Variants in NPAS3 observed in about 807,000 individuals in gnomAD.
NPAS3 encodes neuronal PAS domain protein 3, also known as neuronal PAS domain-containing protein 3.
Under a neutral mutation model 73.1 loss-of-function variants are expected in NPAS3, and 14 were observed. That is an observed-to-expected ratio of 0.19 (90% CI 0.13 to 0.30). NPAS3 has a LOEUF of 0.30. Among genes scored for constraint, NPAS3 ranks in the 10% least tolerant of loss-of-function variants. The pLI is 1.00. For synonymous variants in NPAS3, 620 were observed against 541.5 expected, an observed-to-expected ratio of 1.14 and a Z score of -2.01; for missense variants, 1,096 against 1,250.0, an observed-to-expected ratio of 0.88 and a Z score of 1.86.
rs183215836 is a variant in NPAS3 at position 33,363,583 on chromosome 14, A to T, written c.386-3603A>T. ...TTAAAACTCTAGGTGTTTTATTTTT[A>T]ACCCTTGTAAAACATGAAATAGTAG... On this transcript the variant is annotated intron_variant, in intron 3 of 11. Coordinates refer to ENST00000356141, the Ensembl canonical transcript of NPAS3. 8.5e-5 allele frequency among the ~76,000 whole-genome samples: 13 copies of T among 152,310 alleles called. No homozygotes were observed. In the East Asian group the frequency reaches 2.3e-3, roughly 27 times the overall value.
intron 3 of NPAS3, among the ~76,000 whole-genome samples, chr14:33,358,410 G>A (rs17100797): frequency 0.043 from 6,545 of 152,118 alleles, 357 homozygotes; most frequent in East Asian, 0.22. Flanking sequence ...CATCGTTGTC[G>A]CGGGCAGGAT....
chr14:33,229,131 G>A (rs148362119), intron 3 of NPAS3, among the ~76,000 whole-genome samples: 2 of 152,222 alleles, frequency 1.3e-5, no homozygotes, highest in East Asian at 3.9e-4. Flanking sequence ...GATACCCAAT[G>A]CCATGTAGAA....
intron 5 of NPAS3, among the ~76,000 whole-genome samples, chr14:33,670,810 A>T (rs1417080801): frequency 6.6e-6 from 1 of 151,914 alleles, no homozygotes; most frequent in Admixed American, 6.6e-5. Context: ...CCTTTGAATG[A>T]CCTTTTATTC....
intron 7 of NPAS3, among the ~76,000 whole-genome samples, chr14:33,749,352 T>C (rs1388506092): frequency 6.6e-6 from 1 of 152,176 alleles, no homozygotes; most frequent in Non-Finnish European, 1.5e-5. Flanking sequence ...TAGGCCAGTG[T>C]TGTCTGAAAT....
intron 3 of NPAS3, among the ~76,000 whole-genome samples, chr14:33,285,920 G>A (rs2041855682): frequency 2.0e-5 from 3 of 152,132 alleles, no homozygotes; most frequent in African/African-American, 7.2e-5. Context: ...CACTCTGCCA[G>A]GAGCACGAGC....
intron 3 of NPAS3, among the ~76,000 whole-genome samples, chr14:33,231,130 C>T (rs1187195618): frequency 6.6e-6 from 1 of 152,114 alleles, no homozygotes; most frequent in Non-Finnish European, 1.5e-5. Context: ...CTTGCCAGTG[C>T]AGGGTTACTA....
intron 5 of NPAS3, among the ~76,000 whole-genome samples, chr14:33,637,860 T>A (rs1196223946): frequency 6.6e-6 from 1 of 152,212 alleles, no homozygotes; most frequent in Non-Finnish European, 1.5e-5. Context: ...ATGATGGTTG[T>A]AAAACACTGC....
chr14:33,380,842 A>T (rs1360169301), intron 4 of NPAS3, among the ~76,000 whole-genome samples: 1 of 152,168 alleles, frequency 6.6e-6, no homozygotes, highest in East Asian at 1.9e-4. Flanking sequence ...AATTCTAAAG[A>T]TATAAAAAAT....
At chr14:33,374,797 C>A (rs8011352) in intron 4 of NPAS3, among the ~76,000 whole-genome samples, 32,272 of 151,700 alleles carry the variant, frequency 0.21, 3,832 homozygotes, top group East Asian at 0.35. Context: ...AGTACAATTC[C>A]AACATCTGGG....
chr14:33,518,207 T>A (rs1264347847), intron 4 of NPAS3, among the ~76,000 whole-genome samples: 1 of 151,920 alleles, frequency 6.6e-6, no homozygotes, highest in African/African-American at 2.4e-5. Flanking sequence ...GGGAGCCTTG[T>A]TGAGATGGGA....
At chr14:33,609,230 C>T (rs944520374) in intron 5 of NPAS3, among the ~76,000 whole-genome samples, 8 of 152,044 alleles carry the variant, frequency 5.3e-5, no homozygotes, top group African/African-American at 1.9e-4. Flanking sequence ...TGGTATTGAC[C>T]ACATTTACTA....
At chr14:33,181,797 T>G (rs1316773125) in intron 2 of NPAS3, among the ~76,000 whole-genome samples, 1 of 152,220 alleles carries the variant, frequency 6.6e-6, no homozygotes, top group Non-Finnish European at 1.5e-5. Flanking sequence ...ATATGCCCCT[T>G]CCTACTTTCT....
At chr14:33,185,085 A>G (rs1239329155) in intron 2 of NPAS3, among the ~76,000 whole-genome samples, 1 of 152,192 alleles carries the variant, frequency 6.6e-6, no homozygotes, top group Non-Finnish European at 1.5e-5. Flanking sequence ...ACTCTTGTCC[A>G]CAAAGGGCTT....
intron 4 of NPAS3, among the ~76,000 whole-genome samples, chr14:33,531,745 A>G (rs942671664): frequency 7.2e-5 from 11 of 152,196 alleles, no homozygotes; most frequent in African/African-American, 1.7e-4. Flanking sequence ...TTAACTTTCT[A>G]AGAAACTGCT....
chr14:33,110,667 C>T (rs112171935), intron 2 of NPAS3, among the ~76,000 whole-genome samples: 6 of 152,224 alleles, frequency 3.9e-5, no homozygotes, highest in African/African-American at 1.2e-4. Context: ...TGCACAGTTC[C>T]TAACTTTTTA....
At chr14:33,286,869 T>C (rs1289146489) in intron 3 of NPAS3, among the ~76,000 whole-genome samples, 1 of 152,086 alleles carries the variant, frequency 6.6e-6, no homozygotes, top group Non-Finnish European at 1.5e-5. Context: ...GCAGTGAAAA[T>C]ATGATATTTC....
chr14:33,082,381 G>C (rs2138730684), intron 2 of NPAS3, among the ~76,000 whole-genome samples: 1 of 152,270 alleles, frequency 6.6e-6, no homozygotes, highest in Non-Finnish European at 1.5e-5. Flanking sequence ...GAAAATTCAG[G>C]TTTTCTGAAG....
At chr14:33,757,637 T>C (rs2062156371) in intron 7 of NPAS3, among the ~76,000 whole-genome samples, 1 of 152,178 alleles carries the variant, frequency 6.6e-6, no homozygotes, top group African/African-American at 2.4e-5. Flanking sequence ...GCACTTGGAA[T>C]GGATATACCA....
chr14:33,476,181 A>G (rs762678164), intron 4 of NPAS3, among the ~76,000 whole-genome samples: 1 of 152,238 alleles, frequency 6.6e-6, no homozygotes, highest in Non-Finnish European at 1.5e-5. Flanking sequence ...AGAAAGAGAA[A>G]TCTTGTTGTC....
Sources: gnomAD v4.1 joint callset for allele counts (sites outside exome capture counted in the v4.1 genomes callset) on GRCh38, gnomAD v4.1.1 for gene constraint, MANE v1.5 for transcripts, NCBI Gene and HGNC (gene_info 2026-07-23, HGNC 2026-07-21) for gene names.